The following MECOM variants were observed in gnomAD, a reference collection of about 807,000 sequenced individuals.
The protein encoded by MECOM is MDS1 and EVI1 complex locus.
Under a neutral mutation model 116.3 loss-of-function variants are expected in MECOM, and 13 were observed. That is an observed-to-expected ratio of 0.11 (90% CI 0.07 to 0.18). MECOM has a LOEUF of 0.18. Among genes scored for constraint, MECOM ranks in the 10% least tolerant of loss-of-function variants. The pLI is 1.00. For missense variants in MECOM, 1,299 were observed against 1,509.0 expected (o/e 0.86, Z 2.31); for synonymous variants, 528 against 535.2 (o/e 0.99, Z 0.19).
At chr3:169,346,664 T>C (rs1394863878) in intron 2 of MECOM, among the ~76,000 whole-genome samples, 1 of 151,968 alleles carries the variant, frequency 6.6e-6, no homozygotes. Flanking sequence ...ACATGATCCT[T>C]AACTACATGA....
intron 2 of MECOM, among the ~76,000 whole-genome samples, chr3:169,186,791 A>C (rs987087688): frequency 1.3e-5 from 2 of 152,148 alleles, no homozygotes; most frequent in Admixed American, 1.3e-4. Context: ...CTAGAAAATA[A>C]AGTGATGATT....
chr3:169,132,834 C>G (rs1306731590), intron 3 of MECOM, among the ~76,000 whole-genome samples: 1 of 151,020 alleles, frequency 6.6e-6, no homozygotes, highest in Non-Finnish European at 1.5e-5. Context: ...CTCACAGCAG[C>G]CTCAACCTCC....
intron 1 of MECOM, among the ~76,000 whole-genome samples, chr3:169,597,480 C>T (rs1392353742): frequency 6.6e-6 from 1 of 152,182 alleles, no homozygotes; most frequent in Non-Finnish European, 1.5e-5. Flanking sequence ...ACTTATGGGG[C>T]CTGCAGAAAG....
At position 169,129,095 on chromosome 3, in the gene MECOM, C is replaced by A. The variant is rs75135995; in HGVS notation, c.614-1035G>T. On this transcript the variant is annotated intron_variant, in intron 4 of 16. Coordinates refer to ENST00000651503, the MANE Select transcript of MECOM (RefSeq NM_004991.4). ...GGGGGAATACTTTAGTCCAAGAATT[C>A]TTTTAGTCAAGTATTCTTTTTCTGA... Among the ~76,000 whole-genome samples the A allele has an allele frequency of 1.4e-3, 212 of 152,148 alleles. 2 individuals carry two copies. In the East Asian group the frequency reaches 0.033, roughly 23 times the overall value.
At chr3:169,566,082 C>A in intron 1 of MECOM, 1 of 345,422 alleles carries the variant, frequency 2.9e-6, no homozygotes, top group Non-Finnish European at 5.7e-6. Flanking sequence ...ATGAGAGGAA[C>A]TGCCAAATAC....
intron 1 of MECOM, among the ~76,000 whole-genome samples, chr3:169,445,285 GC>G (rs145910850): frequency 0.015 from 2,306 of 152,186 alleles, 29 homozygotes; most frequent in Non-Finnish European, 0.024. Flanking sequence ...TTGTGGGTGG[GC>G]CCAGGGTCCC....
At chr3:169,255,080 CAG>C (rs1413788131) in intron 2 of MECOM, among the ~76,000 whole-genome samples, 10 of 152,290 alleles carry the variant, frequency 6.6e-5, no homozygotes, top group African/African-American at 1.9e-4. Context: ...CCAATTCCTT[CAG>C]GTTTAGATAA....
chr3:169,481,055 C>G (rs749839909), intron 1 of MECOM, among the ~76,000 whole-genome samples: 7 of 152,058 alleles, frequency 4.6e-5, no homozygotes, highest in Non-Finnish European at 8.8e-5. Context: ...AAGAATTAAA[C>G]TTTATAAAAA....
At chr3:169,396,246 G>A (rs1735008127) in intron 1 of MECOM, among the ~76,000 whole-genome samples, 1 of 152,090 alleles carries the variant, frequency 6.6e-6, no homozygotes, top group African/African-American at 2.4e-5. Context: ...AGAACACAAT[G>A]GGTTCAAGTC....
intron 1 of MECOM, among the ~76,000 whole-genome samples, chr3:169,657,829 T>C (rs1367582358): frequency 6.6e-6 from 1 of 152,240 alleles, no homozygotes. Context: ...TCTCTGAAGT[T>C]TCTTGTATGG....
At chr3:169,189,730 C>T (rs150367492) in intron 2 of MECOM, among the ~76,000 whole-genome samples, 3 of 152,040 alleles carry the variant, frequency 2.0e-5, no homozygotes, top group East Asian at 1.9e-4. Flanking sequence ...CCTAAAAGAC[C>T]GCTATGTATT....
At chr3:169,157,754 G>C (rs1049896030) in intron 2 of MECOM, among the ~76,000 whole-genome samples, 3 of 152,140 alleles carry the variant, frequency 2.0e-5, no homozygotes, top group Admixed American at 2.0e-4. Flanking sequence ...TTTCTATGTA[G>C]TTCTTGGCTG....
intron 2 of MECOM, among the ~76,000 whole-genome samples, chr3:169,205,829 C>T (rs1388551917): frequency 2.0e-5 from 3 of 151,892 alleles, no homozygotes; most frequent in East Asian, 1.9e-4. Flanking sequence ...GTCCTGGGGG[C>T]CAAATTAAGC....
chr3:169,164,946 A>G (rs1559940499), intron 2 of MECOM, among the ~76,000 whole-genome samples: 1 of 152,186 alleles, frequency 6.6e-6, no homozygotes. Context: ...CTCATGTCAT[A>G]TTCCTTGTCT....
chr3:169,382,904 A>G (rs930042656), intron 1 of MECOM, among the ~76,000 whole-genome samples: 1 of 149,334 alleles, frequency 6.7e-6, no homozygotes, highest in Admixed American at 6.7e-5. Flanking sequence ...GGTTGCCTCC[A>G]GCTCCATGAT....
Position 169,611,666 on chromosome 3 carries a change from T to C in MECOM, c.37+51670A>G, listed in dbSNP as rs564455030. On this transcript the variant is annotated intron_variant, in intron 1 of 16. Coordinates refer to ENST00000651503, the MANE Select transcript of MECOM (RefSeq NM_004991.4). The surrounding 1 kb of genome is among the most constrained non-coding windows in gnomAD (Gnocchi z 4.1). ...ATCTCTGGACCTCAAAATCACTATA[T>C]ATCTTTTTTAAAATATTTTATTTTC... is the stretch of plus-strand genomic sequence containing the variant. Among the ~76,000 whole-genome samples, 2 of 152,362 alleles carry C rather than the reference T, an allele frequency of 1.3e-5. No homozygotes were observed. Among genetic ancestry groups the C allele is most frequent in the Admixed American group, 6.5e-5 (1 of 15,302 alleles).
chr3:169,452,157 G>C (rs1052950435), intron 1 of MECOM, among the ~76,000 whole-genome samples: 1 of 151,802 alleles, frequency 6.6e-6, no homozygotes, highest in Non-Finnish European at 1.5e-5. Flanking sequence ...TGGTAAGCCG[G>C]GTCATCACTA....
At chr3:169,187,726 G>C (rs1413426750) in intron 2 of MECOM, among the ~76,000 whole-genome samples, 1 of 152,104 alleles carries the variant, frequency 6.6e-6, no homozygotes, top group Non-Finnish European at 1.5e-5. Context: ...AATGGAACAA[G>C]AGACCAGACA....
At chr3:169,159,486 G>C (rs1742514689) in intron 2 of MECOM, among the ~76,000 whole-genome samples, 1 of 152,092 alleles carries the variant, frequency 6.6e-6, no homozygotes, top group African/African-American at 2.4e-5. Context: ...TTGAACCCGG[G>C]AGGCAGAAGT....
Sources: allele counts gnomAD v4.1 joint callset (sites outside exome capture counted in the v4.1 genomes callset), GRCh38; gene constraint gnomAD v4.1.1; non-coding constraint Gnocchi (gnomAD v3.1); transcripts MANE v1.5; gene names NCBI Gene and HGNC (gene_info 2026-07-23, HGNC 2026-07-21).